The following HOMEZ variants were observed in gnomAD, a reference collection of about 807,000 sequenced individuals.
HOMEZ encodes homeobox and leucine zipper encoding, also known as homeobox and leucine zipper protein Homez.
A neutral mutation model predicts 50.1 loss-of-function variants in HOMEZ; 20 were observed. The ratio of observed to expected loss-of-function variants is 0.40; its 90% CI spans 0.28 to 0.58. The LOEUF is 0.58. Ranked by LOEUF, HOMEZ falls within the 20% of genes least tolerant of loss-of-function variation. HOMEZ has a pLI of 0.46. For missense variants in HOMEZ, 579 were observed against 680.5 expected (o/e 0.85, Z 1.66); for synonymous variants, 239 against 254.7 (o/e 0.94, Z 0.59).
At chr14:23,283,908 A>C (rs757070322) in intron 1 of HOMEZ, among the ~76,000 whole-genome samples, 3 of 152,080 alleles carry the variant, frequency 2.0e-5, no homozygotes, top group Non-Finnish European at 4.4e-5. Context: ...TAAATAAATA[A>C]ATAAAAGTGG....
At chr14:23,280,392 G>A (rs1387029744) in intron 1 of HOMEZ, among the ~76,000 whole-genome samples, 1 of 152,114 alleles carries the variant, frequency 6.6e-6, no homozygotes, top group African/African-American at 2.4e-5. Context: ...CAGGGCAGAA[G>A]GTCTCCTGAG....
intron 1 of HOMEZ, among the ~76,000 whole-genome samples, chr14:23,280,753 A>C (rs565679229): frequency 1.3e-5 from 1 of 77,586 alleles, no homozygotes; most frequent in Admixed American, 1.4e-4. Flanking sequence ...ATTTTATTTT[A>C]TTTTATTTTA....
intron 1 of HOMEZ, among the ~76,000 whole-genome samples, chr14:23,278,912 G>C (rs1405990934): frequency 1.3e-5 from 2 of 152,120 alleles, no homozygotes; most frequent in Non-Finnish European, 2.9e-5. Context: ...CTGACCTCAA[G>C]TGATCCACCG....
chr14:23,285,982 G>A lies in HOMEZ; in HGVS notation c.-30C>T, dbSNP rs548206371. 284 of 1,237,206 alleles carry A rather than the reference G, an allele frequency of 2.3e-4. No individual in the cohort carries two copies. The highest frequency in any genetic ancestry group is 2.8e-4 in the Non-Finnish European group (279 of 985,016). The allele number at this position is 1,237,206 out of a possible 1,614,324, so 76.6% of individuals were successfully genotyped here. ...CGGGGGGAAGTGGGGGAGAGGGCAG[G>A]GGGCCTCCGAGTGGGAGTGGGGTTG... On this transcript the variant is annotated 5_prime_UTR_variant, in exon 1 of 2. Coordinates refer to ENST00000357460, the MANE Select transcript of HOMEZ (RefSeq NM_020834.3).
chr14:23,275,540 TTCAG>T lies in HOMEZ; in HGVS notation c.*31_*34del. ...AAACAGTTACTAAGTTGGTTCATCT[TTCAG>T]TAACAGACCTCCCCTCCCCCAGCTC... On this transcript the variant is annotated 3_prime_UTR_variant, in exon 2 of 2. Transcript: ENST00000357460. 6.6e-7 allele frequency: 1 copy of T among 1,513,332 alleles called. No individual in the cohort carries two copies. Among genetic ancestry groups the T allele is most frequent in the Non-Finnish European group, 8.9e-7 (1 of 1,128,950 alleles). 93.7% of individuals were successfully genotyped at this position (1,513,332 alleles called of 1,614,324 possible). A position where few individuals can be genotyped will look rare whatever the true frequency, so the allele number is the denominator to read the frequency against.
chr14:23,285,984 G>A lies in HOMEZ; in HGVS notation c.-32C>T. ...GGGGGAAGTGGGGGAGAGGGCAGGG[G>A]GCCTCCGAGTGGGAGTGGGGTTGCT... On this transcript the variant is annotated 5_prime_UTR_variant, in exon 1 of 2. Transcript: ENST00000357460. The A allele has an allele frequency of 8.1e-7, 1 of 1,236,596 alleles. No individual in the cohort carries two copies. The highest frequency in any genetic ancestry group is 1.0e-6 in the Non-Finnish European group (1 of 984,784). 76.6% of individuals were successfully genotyped at this position (1,236,596 alleles called of 1,614,324 possible). A position where few individuals can be genotyped will look rare whatever the true frequency, so the allele number is the denominator to read the frequency against.
rs909245659 is a variant in HOMEZ at position 23,275,029 on chromosome 14, T to A, written c.*546A>T. ...TATTTGTGATGAGACTGGGACTTAT[T>A]GAGAATCTTGGTTGTCTAGGAAATG... is the stretch of plus-strand genomic sequence containing the variant. On this transcript the variant is annotated 3_prime_UTR_variant, in exon 2 of 2. Transcript: ENST00000357460. 1 of 152,544 alleles carries A rather than the reference T, an allele frequency of 6.6e-6. No homozygotes were observed. Among genetic ancestry groups the A allele is most frequent in the African/African-American group, 2.4e-5 (1 of 41,452 alleles). The allele number at this position is 152,544 out of a possible 1,614,324, so 9.4% of individuals were successfully genotyped here.
intron 1 of HOMEZ, chr14:23,285,313 C>G (rs1886634733): frequency 6.6e-6 from 1 of 151,778 alleles, no homozygotes; most frequent in Admixed American, 6.6e-5. Flanking sequence ...CAGCTTGAGT[C>G]TTCTTTCAGT....
chr14:23,276,145 C>T lies in HOMEZ; in HGVS notation c.1083G>A (p.Lys361=). Residue 361 remains lysine (K), a synonymous_variant, in exon 2 of 2, where the codon AAG becomes AAA. Coordinates refer to ENST00000357460, the MANE Select transcript of HOMEZ (RefSeq NM_020834.3). The surrounding 1 kb of genome is among the most constrained non-coding windows in gnomAD (Gnocchi z 4.1). ...SPDMQRQRKT[K]RKTKEQLAIL... ...TAGCCAGCTGCTCTTTGGTTTTGCG[C>T]TTGGTCTTTCGCTGGCGTTGCATAT... The T allele has an allele frequency of 6.2e-7, 1 of 1,613,898 alleles. No individual in the cohort carries two copies. The highest frequency in any genetic ancestry group is 2.2e-5 in the East Asian group (1 of 44,890).
intron 1 of HOMEZ, among the ~76,000 whole-genome samples, chr14:23,278,328 G>A (rs1886413497): frequency 6.6e-6 from 1 of 151,800 alleles, no homozygotes. Flanking sequence ...AAAACAAGAG[G>A]AGCAATAATT....
chr14:23,282,688 G>C (rs1300399568), intron 1 of HOMEZ, among the ~76,000 whole-genome samples: 3 of 152,224 alleles, frequency 2.0e-5, no homozygotes, highest in Admixed American at 6.5e-5. Context: ...TGCCAGATGG[G>C]AATATAAGGC....
In HOMEZ at chr14:23,277,186, A is replaced by G; in HGVS notation, c.42T>C (p.Ala14=). 1.3e-6 allele frequency: 2 copies of G among 1,547,596 alleles called. No homozygotes were observed. Among genetic ancestry groups the G allele is most frequent in the Non-Finnish European group, 1.7e-6 (2 of 1,145,760 alleles). ...CTTCTGATTTGTGCCCTTCAGAGAT[A>G]GCTGCAATAAGAAGACAAACAGCTC... ...GWEPPPGLDC[A]ISEGHKSEGT... Residue 14 remains alanine (A), a splice_region_variant and synonymous_variant, in exon 2 of 2, where the codon GCT becomes GCC. Coordinates refer to ENST00000357460, the MANE Select transcript of HOMEZ (RefSeq NM_020834.3).
chr14:23,276,458 G>T lies in HOMEZ; in HGVS notation c.770C>A (p.Pro257Gln), dbSNP rs1272197286. 1 of 1,614,066 alleles carries T rather than the reference G, an allele frequency of 6.2e-7. No homozygotes were observed. Among genetic ancestry groups the T allele is most frequent in the African/African-American group, 1.3e-5 (1 of 75,068 alleles). ...TGGTGGGGGTTTATCCCGAGCTTGTGGCTGGGGGACGGTTGTGGAGTGGTT... is the reference window on the plus strand; with the variant it reads ...TGGTGGGGGTTTATCCCGAGCTTGTTGCTGGGGGACGGTTGTGGAGTGGTT... ...SWNHSTTVPQ[P>Q]QARDKPPPIA... Residue 257 changes from proline to glutamine, a missense_variant, in exon 2 of 2, where the codon CCA becomes CAA. Coordinates refer to ENST00000357460, the MANE Select transcript of HOMEZ (RefSeq NM_020834.3). This position sits in a 1 kb window ranked among gnomAD's most constrained non-coding sequence, Gnocchi z 4.1.
In HOMEZ at chr14:23,276,397, T is replaced by C; in HGVS notation, c.831A>G (p.Ser277=). 3.1e-6 allele frequency: 5 copies of C among 1,614,032 alleles called. No individual in the cohort carries two copies. Among genetic ancestry groups the C allele is most frequent in the Non-Finnish European group, 4.2e-6 (5 of 1,179,888 alleles). ...ALIASSCKEE[S]ASSVTPSSSS... ...AAGAAGAGGGAGTAACACTAGATGC[T>C]GACTCCTCCTTACAACTACTGGCAA... Residue 277 remains serine (S), a synonymous_variant, in exon 2 of 2, where the codon TCA becomes TCG. Coordinates refer to ENST00000357460, the MANE Select transcript of HOMEZ (RefSeq NM_020834.3). This position sits in a 1 kb window ranked among gnomAD's most constrained non-coding sequence, Gnocchi z 4.1.
chr14:23,277,729 G>C (rs1341921739), intron 1 of HOMEZ, among the ~76,000 whole-genome samples: 2 of 142,802 alleles, frequency 1.4e-5, no homozygotes, highest in Admixed American at 6.9e-5. Flanking sequence ...CTGGGTGATA[G>C]AGTGAGACCC....
intron 1 of HOMEZ, among the ~76,000 whole-genome samples, chr14:23,278,062 C>A (rs896185563): frequency 6.6e-6 from 1 of 152,034 alleles, no homozygotes; most frequent in Non-Finnish European, 1.5e-5. Flanking sequence ...CTCCTGACCT[C>A]GTGATCCACC....
chr14:23,280,737 T>C (rs1171601345), intron 1 of HOMEZ, among the ~76,000 whole-genome samples: 8 of 21,188 alleles, frequency 3.8e-4, no homozygotes, highest in Admixed American at 2.2e-3. Context: ...TTTATTTTAT[T>C]TTATTATTTT....
Position 23,276,569 on chromosome 14 carries a change from C to A in HOMEZ, c.659G>T (p.Trp220Leu), listed in dbSNP as rs370288175. 145 of 1,613,850 alleles carry A rather than the reference C, an allele frequency of 9.0e-5. No homozygotes were observed. Among genetic ancestry groups the A allele is most frequent in the Non-Finnish European group, 1.2e-4 (141 of 1,179,890 alleles). Residue 220 changes from tryptophan (W) to leucine (L), a missense_variant, in exon 2 of 2, where the codon TGG becomes TTG. Trp to Leu is a moderately conservative substitution (Grantham distance 61, BLOSUM62 -2). Coordinates refer to ENST00000357460, the MANE Select transcript of HOMEZ (RefSeq NM_020834.3). The surrounding 1 kb of genome is among the most constrained non-coding windows in gnomAD (Gnocchi z 4.1). The stretch of plus-strand genomic sequence containing the variant: ...GAGGCCACTGCTTTGAAGATGTTGC[C>A]AAAAATCTGATTGGTAGGGGAATGC... ...SGAFPYQSDF[W>L]QHLQSSGLSK...
intron 1 of HOMEZ, among the ~76,000 whole-genome samples, chr14:23,282,227 CCCTAATTCTAGTTA>C (rs1350402029): frequency 9.2e-5 from 14 of 151,986 alleles, no homozygotes; most frequent in African/African-American, 3.1e-4. Flanking sequence ...TTTTGCAGAG[CCCTAATTCTAGTTA>C]GCGATGAGGA....
Sources: allele counts gnomAD v4.1 joint callset (sites outside exome capture counted in the v4.1 genomes callset), GRCh38; gene constraint gnomAD v4.1.1; non-coding constraint Gnocchi (gnomAD v3.1); transcripts MANE v1.5; gene names NCBI Gene and HGNC (gene_info 2026-07-23, HGNC 2026-07-21).